Variants in SNTG1 observed in about 807,000 individuals in gnomAD.
SNTG1 encodes the protein syntrophin gamma 1.
Under a neutral mutation model 74.7 loss-of-function variants are expected in SNTG1, and 39 were observed. The ratio of observed to expected loss-of-function variants is 0.52; its 90% CI spans 0.40 to 0.68. The LOEUF is 0.68. Among genes scored for constraint, SNTG1 ranks in the 30% least tolerant of loss-of-function variants. SNTG1 has a pLI of 0.00. For missense variants in SNTG1, 685 were observed against 609.5 expected (o/e 1.12, Z -1.30); for synonymous variants, 254 against 217.1 (o/e 1.17, Z -1.49).
chr8:50,268,328 G>T (rs1246219114), intron 2 of SNTG1, among the ~76,000 whole-genome samples: 3 of 152,100 alleles, frequency 2.0e-5, no homozygotes, highest in Admixed American at 6.6e-5. Flanking sequence ...GCACAGTAAA[G>T]GTGCCAATTC....
At chr8:50,756,689 A>T (rs7005117) in intron 18 of SNTG1, among the ~76,000 whole-genome samples, 1 of 151,610 alleles carries the variant, frequency 6.6e-6, no homozygotes, top group African/African-American at 2.4e-5. Context: ...TATGTCTTGA[A>T]GTTTTATAGT....
chr8:50,338,593 A>C (rs1489430933), intron 2 of SNTG1, among the ~76,000 whole-genome samples: 1 of 152,234 alleles, frequency 6.6e-6, no homozygotes, highest in African/African-American at 2.4e-5. Flanking sequence ...GAAGATAACC[A>C]AAAGAAAATG....
At chr8:50,609,259 G>T (rs971509812) in intron 13 of SNTG1, among the ~76,000 whole-genome samples, 1 of 151,894 alleles carries the variant, frequency 6.6e-6, no homozygotes, top group Non-Finnish European at 1.5e-5. Context: ...CTCACTTCTT[G>T]TTTATCTGGT....
intron 18 of SNTG1, among the ~76,000 whole-genome samples, chr8:50,768,339 A>AG (rs1337591729): frequency 6.6e-6 from 1 of 152,114 alleles, no homozygotes; most frequent in African/African-American, 2.4e-5. Flanking sequence ...GAGAAAAAAA[A>AG]ATGTTTCTGA....
At chr8:50,519,747 G>A (rs1420971222) in intron 9 of SNTG1, among the ~76,000 whole-genome samples, 1 of 152,052 alleles carries the variant, frequency 6.6e-6, no homozygotes, top group Admixed American at 6.6e-5. Flanking sequence ...AACTTACAGG[G>A]GAAGTGAAGG....
At chr8:50,207,321 C>A (rs1408658269) in intron 2 of SNTG1, among the ~76,000 whole-genome samples, 1 of 152,076 alleles carries the variant, frequency 6.6e-6, no homozygotes, top group East Asian at 1.9e-4. Flanking sequence ...AGGAATTTAT[C>A]CATTTCTTCT....
intron 18 of SNTG1, among the ~76,000 whole-genome samples, chr8:50,756,838 T>A (rs1304670850): frequency 1.3e-5 from 2 of 151,818 alleles, no homozygotes; most frequent in Non-Finnish European, 2.9e-5. Context: ...TTTTATTAAA[T>A]CTGTAGTTCA....
intron 1 of SNTG1, among the ~76,000 whole-genome samples, chr8:49,951,168 A>G (rs984535930): frequency 4.6e-5 from 7 of 152,226 alleles, no homozygotes; most frequent in African/African-American, 1.7e-4. Flanking sequence ...GTAAAGCTAG[A>G]AATTAGGTTT....
intron 1 of SNTG1, among the ~76,000 whole-genome samples, chr8:50,134,286 C>T (rs915721134): frequency 6.6e-6 from 1 of 152,152 alleles, no homozygotes; most frequent in Non-Finnish European, 1.5e-5. Flanking sequence ...CCCAGGTGAA[C>T]AAATCTGCGT....
chr8:50,074,494 A>G (rs1821648509), intron 1 of SNTG1, among the ~76,000 whole-genome samples: 1 of 152,218 alleles, frequency 6.6e-6, no homozygotes, highest in Admixed American at 6.5e-5. Flanking sequence ...GAGTAGAGTG[A>G]GAGAGATAGA....
chr8:50,376,760 G>T (rs866239118), intron 2 of SNTG1, among the ~76,000 whole-genome samples: 2,582 of 112,312 alleles, frequency 0.023, 23 homozygotes, highest in African/African-American at 0.048. Flanking sequence ...TATATATAGA[G>T]AGAGAGAGAG....
rs141816678 is a variant in SNTG1 at position 50,502,836 on chromosome 8, G to C, written c.422G>C (p.Arg141Thr). The C allele has an allele frequency of 3.1e-4, 495 of 1,613,240 alleles. No individual in the cohort carries two copies. The highest frequency in any genetic ancestry group is 4.1e-4 in the Non-Finnish European group (481 of 1,179,620). ...EVTLTVSFLKRAPAFLKLPLN... is the reference protein window; with the variant it reads ...EVTLTVSFLKTAPAFLKLPLN... ...ACTCTAACAGTGTCATTTTTAAAAA[G>C]AGCACCTGCTTTCCTCAAACTCCCA... Residue 141 changes from arginine to threonine, a missense_variant, in exon 9 of 19, where the codon AGA becomes ACA. Arg to Thr is a moderately conservative substitution (Grantham distance 71, BLOSUM62 -1). Transcript: ENST00000642720.
intron 1 of SNTG1, among the ~76,000 whole-genome samples, chr8:50,162,292 G>A (rs139807563): frequency 0.011 from 1,615 of 152,250 alleles, 27 homozygotes; most frequent in African/African-American, 0.037. Flanking sequence ...GCCGTGCGCG[G>A]TGGCTCATGC....
At chr8:50,697,604 A>G (rs555330193) in intron 15 of SNTG1, among the ~76,000 whole-genome samples, 3 of 152,252 alleles carry the variant, frequency 2.0e-5, no homozygotes, top group South Asian at 4.1e-4. Context: ...TGTTCCTTCT[A>G]TGCTTCATTT....
chr8:50,029,867 A>G (rs1585967102), intron 1 of SNTG1, among the ~76,000 whole-genome samples: 1 of 152,110 alleles, frequency 6.6e-6, no homozygotes, highest in Admixed American at 6.6e-5. Context: ...TATACCCAGC[A>G]GTGGGATTGC....
chr8:50,316,866 G>T (rs1211485305), intron 2 of SNTG1, among the ~76,000 whole-genome samples: 2 of 152,054 alleles, frequency 1.3e-5, no homozygotes, highest in African/African-American at 4.8e-5. Context: ...CAGTAATAGT[G>T]GAACAATATT....
At chr8:50,298,773 A>G (rs1192316347) in intron 2 of SNTG1, among the ~76,000 whole-genome samples, 2 of 152,100 alleles carry the variant, frequency 1.3e-5, no homozygotes, top group Admixed American at 1.3e-4. Context: ...GACGGCAAAC[A>G]TTTCCTATTT....
intron 15 of SNTG1, among the ~76,000 whole-genome samples, chr8:50,680,581 C>T (rs2095327036): frequency 6.6e-6 from 1 of 152,084 alleles, no homozygotes; most frequent in Non-Finnish European, 1.5e-5. Context: ...TGTATGAGAG[C>T]AAAGTGCTAC....
chr8:50,465,971 T>G (rs2093605716), intron 8 of SNTG1, among the ~76,000 whole-genome samples: 1 of 152,144 alleles, frequency 6.6e-6, no homozygotes, highest in East Asian at 1.9e-4. Flanking sequence ...GTTTCTGAAT[T>G]ATATTGAGAG....
Sources: allele counts gnomAD v4.1 joint callset (sites outside exome capture counted in the v4.1 genomes callset), GRCh38; gene constraint gnomAD v4.1.1; transcripts MANE v1.5; gene names NCBI Gene and HGNC (gene_info 2026-07-23, HGNC 2026-07-21).